ZFHX3: variants seen among roughly 807,000 people sequenced by gnomAD.
The protein encoded by ZFHX3 is zinc finger homeobox protein 3.
ZFHX3 carries 42 observed loss-of-function variants against 279.1 expected under a neutral mutation model. That is an observed-to-expected ratio of 0.15 (90% CI 0.12 to 0.19). ZFHX3 has a LOEUF of 0.19. Ranked by LOEUF, ZFHX3 falls within the 10% of genes least tolerant of loss-of-function variation. The pLI is 1.00. For synonymous variants in ZFHX3, 2,293 were observed against 1,957.8 expected (o/e 1.17, Z -4.52); for missense variants, 4,981 against 4,754.0 (o/e 1.05, Z -1.40).
intron 2 of ZFHX3, among the ~76,000 whole-genome samples, chr16:73,584,897 G>T (rs1260921995): frequency 6.6e-6 from 1 of 151,992 alleles, no homozygotes; most frequent in Non-Finnish European, 1.5e-5. Context: ...TACTAGAAAA[G>T]AAACCCATTA....
At chr16:73,774,246 C>A (rs2054051775) in intron 1 of ZFHX3, among the ~76,000 whole-genome samples, 2 of 152,236 alleles carry the variant, frequency 1.3e-5, no homozygotes, top group Non-Finnish European at 2.9e-5. Context: ...TAAGGGTGGA[C>A]ATTGTCTATT....
At chr16:73,111,581 T>TGAGG (rs1238881221) in intron 7 of ZFHX3, among the ~76,000 whole-genome samples, 2 of 144,470 alleles carry the variant, frequency 1.4e-5, no homozygotes, top group East Asian at 2.0e-4. Flanking sequence ...ATATTCTCTG[T>TGAGG]GAGGGAGGGA....
intron 2 of ZFHX3, among the ~76,000 whole-genome samples, chr16:73,521,207 T>C (rs2019603278): frequency 6.6e-6 from 1 of 152,148 alleles, no homozygotes; most frequent in South Asian, 2.1e-4. Context: ...ATGTAGCAGA[T>C]TTAGAGCTCA....
intron 7 of ZFHX3, among the ~76,000 whole-genome samples, chr16:73,118,946 G>C (rs980692759): frequency 1.3e-5 from 2 of 152,102 alleles, no homozygotes; most frequent in Non-Finnish European, 2.9e-5. Context: ...TATTCCAGCT[G>C]AGAGCCCTGA....
chr16:73,503,913 A>G (rs1218387449), intron 2 of ZFHX3, among the ~76,000 whole-genome samples: 1 of 152,262 alleles, frequency 6.6e-6, no homozygotes, highest in Non-Finnish European at 1.5e-5. Context: ...CTAGGGTGAT[A>G]GTTATTCACT....
At chr16:73,168,211 T>TTTTCTTTTTCTTTC (rs1555502324) in intron 5 of ZFHX3, among the ~76,000 whole-genome samples, 126 of 95,282 alleles carry the variant, frequency 1.3e-3, no homozygotes, top group African/African-American at 4.6e-3. Flanking sequence ...GTTTCTTTTG[T>TTTTCTTTTTCTTTC]TTTCTTTCTT....
intron 3 of ZFHX3, among the ~76,000 whole-genome samples, chr16:73,398,278 C>T (rs1228773289): frequency 6.6e-6 from 1 of 152,116 alleles, no homozygotes; most frequent in African/African-American, 2.4e-5. Flanking sequence ...CTAGATGTGT[C>T]CTCTTAGGGA....
chr16:73,278,930 A>G (rs2014384961), intron 4 of ZFHX3, among the ~76,000 whole-genome samples: 1 of 152,236 alleles, frequency 6.6e-6, no homozygotes, highest in Admixed American at 6.5e-5. Flanking sequence ...CAGGAAGTCC[A>G]GCTGGCTTCA....
At chr16:72,899,942 C>T (rs555046876) in intron 3 of ZFHX3, among the ~76,000 whole-genome samples, 2 of 152,246 alleles carry the variant, frequency 1.3e-5, no homozygotes, top group Non-Finnish European at 2.9e-5. Flanking sequence ...AACCAACCCT[C>T]ACTCCTCCCC....
intron 3 of ZFHX3, among the ~76,000 whole-genome samples, chr16:72,906,591 G>A (rs1227512359): frequency 6.6e-6 from 1 of 152,138 alleles, no homozygotes; most frequent in African/African-American, 2.4e-5. Context: ...GAGGTCAGGA[G>A]TTCGAGACCA....
intron 1 of ZFHX3, among the ~76,000 whole-genome samples, chr16:72,992,929 G>C (rs62053227): frequency 6.6e-6 from 1 of 152,336 alleles, no homozygotes. Context: ...CTGAGGTCAG[G>C]AGTTTGAGAC....
chr16:73,520,852 A>G (rs913582570), intron 2 of ZFHX3, among the ~76,000 whole-genome samples: 3 of 152,226 alleles, frequency 2.0e-5, no homozygotes, highest in Non-Finnish European at 4.4e-5. Context: ...ATACAGAGAA[A>G]AAAAGGACAG....
chr16:72,890,495 G>A (rs943740276), intron 3 of ZFHX3, among the ~76,000 whole-genome samples: 23 of 147,334 alleles, frequency 1.6e-4, no homozygotes, highest in African/African-American at 5.8e-4. Flanking sequence ...TTCCTTAGAG[G>A]GTTTTTTTTT....
chr16:73,223,732 C>G (rs1052059932), intron 5 of ZFHX3, among the ~76,000 whole-genome samples: 20 of 152,180 alleles, frequency 1.3e-4, no homozygotes, highest in African/African-American at 4.8e-4. Context: ...AAACTTATGT[C>G]TACTCAGAAA....
intron 2 of ZFHX3, among the ~76,000 whole-genome samples, chr16:73,640,997 C>A (rs2052568297): frequency 6.6e-6 from 1 of 152,184 alleles, no homozygotes; most frequent in Non-Finnish European, 1.5e-5. Context: ...TGGCATCGAT[C>A]TTCTCAGCAG....
chr16:73,584,358 G>T (rs1340771362), intron 2 of ZFHX3, among the ~76,000 whole-genome samples: 3 of 152,066 alleles, frequency 2.0e-5, no homozygotes, highest in Non-Finnish European at 4.4e-5. Context: ...TTTCAGAACA[G>T]CAAAGACAAA....
intron 1 of ZFHX3, among the ~76,000 whole-genome samples, chr16:73,804,880 C>T (rs1357478285): frequency 7.7e-6 from 1 of 129,166 alleles, no homozygotes; most frequent in Admixed American, 8.1e-5. Context: ...ACCACACACA[C>T]ACACCCACAC....
intron 5 of ZFHX3, among the ~76,000 whole-genome samples, chr16:73,254,565 A>G (rs888037409): frequency 1.3e-5 from 2 of 152,066 alleles, no homozygotes; most frequent in Non-Finnish European, 2.9e-5. Flanking sequence ...AAAATAGTAC[A>G]GAATCCCCTA....
chr16:72,945,491 G>A (rs1342126575), intron 3 of ZFHX3, among the ~76,000 whole-genome samples: 1 of 152,060 alleles, frequency 6.6e-6, no homozygotes, highest in Non-Finnish European at 1.5e-5. Context: ...TGAACCGCAG[G>A]CCTCCAGCTG....
Sources: allele counts gnomAD v4.1 joint callset (sites outside exome capture counted in the v4.1 genomes callset), GRCh38; gene constraint gnomAD v4.1.1; transcripts MANE v1.5; gene names NCBI Gene and HGNC (gene_info 2026-07-23, HGNC 2026-07-21).